APOB: variants seen among roughly 807,000 people sequenced by gnomAD.
APOB encodes the protein apolipoprotein B-100.
A neutral mutation model predicts 314.1 loss-of-function variants in APOB; 153 were observed. The ratio of observed to expected loss-of-function variants is 0.49; its 90% CI spans 0.43 to 0.56. The LOEUF is 0.56. APOB is among the 20% of genes least tolerant of loss of function. The pLI is 0.00. For synonymous variants in APOB, 2,087 were observed against 2,036.4 expected (o/e 1.02, Z -0.67); for missense variants, 5,430 against 5,350.7 (o/e 1.01, Z -0.46).
chr2:21,005,636 A>G lies in APOB; in HGVS notation c.11232T>C (p.Leu3744=), dbSNP rs1663109556. Residue 3744 remains leucine (L), a synonymous_variant, in exon 26 of 29, where the codon CTT becomes CTC. Coordinates refer to ENST00000233242, the MANE Select transcript of APOB (RefSeq NM_000384.3). ...GLKLNDLNSV[L]VMPTFHVPFT... ...ATGGGACATGGAACGTAGGCATGACAAGAACTGAATTTAGATCATTTAGTT... is the reference window on the plus strand; with the variant it reads ...ATGGGACATGGAACGTAGGCATGACGAGAACTGAATTTAGATCATTTAGTT... The G allele has an allele frequency of 1.2e-6, 2 of 1,613,924 alleles. No homozygotes were observed. The highest frequency in any genetic ancestry group is 1.3e-5 in the African/African-American group (1 of 74,922).
rs181151491 is a variant in APOB at position 21,016,219 on chromosome 2, C to T, written c.3332+220G>A. 1.1e-4 allele frequency among the ~76,000 whole-genome samples: 16 copies of T among 151,660 alleles called. 1 individual carries two copies. Among genetic ancestry groups the T allele is most frequent in the Admixed American group, 2.0e-4 (3 of 15,222 alleles). ...AGGAGAATCACTTGAACTCGGGAGG[C>T]GGAGGTTGCAGTGAGCCGAGATTGT... is the stretch of plus-strand genomic sequence containing the variant. On this transcript the variant is annotated intron_variant, in intron 21 of 28. Coordinates refer to ENST00000233242, the MANE Select transcript of APOB (RefSeq NM_000384.3).
chr2:21,031,799 G>A (rs951950650), intron 10 of APOB, among the ~76,000 whole-genome samples: 6 of 151,980 alleles, frequency 3.9e-5, no homozygotes, highest in African/African-American at 1.2e-4. Context: ...TCAGTGAGCC[G>A]TGACTGCATC....
intron 21 of APOB, 83 bp downstream of exon 21, chr2:21,016,356 G>T: frequency 1.3e-6 from 1 of 775,174 alleles, no homozygotes; most frequent in Non-Finnish European, 2.3e-6. Context: ...ACATGGCTTG[G>T]TCAGGTATGA....
chr2:21,040,914 G>A, intron 4 of APOB, 24 bp downstream of exon 4: 6 of 1,613,104 alleles, frequency 3.7e-6, no homozygotes, highest in Non-Finnish European at 4.2e-6. Flanking sequence ...ACACATGCGT[G>A]TGCTCATGTA....
In APOB at chr2:21,043,990, G is replaced by T; in HGVS notation, c.-45C>A. On this transcript the variant is annotated 5_prime_UTR_variant, in exon 1 of 29. Coordinates refer to ENST00000233242, the MANE Select transcript of APOB (RefSeq NM_000384.3). Reference sequence around the variant, plus strand: ...GCTCCTGGGCTGCGGCCTGGCCTCGGCCTCGCGGCCCTGGCTGGCTGGGCG... The same window carrying T: ...GCTCCTGGGCTGCGGCCTGGCCTCGTCCTCGCGGCCCTGGCTGGCTGGGCG... The T allele has an allele frequency of 1.9e-6, 2 of 1,057,904 alleles. No homozygotes were observed. The highest frequency in any genetic ancestry group is 2.4e-6 in the Non-Finnish European group (2 of 832,404). 65.5% of individuals were successfully genotyped at this position (1,057,904 alleles called of 1,614,324 possible). A position where few individuals can be genotyped will look rare whatever the true frequency, so the allele number is the denominator to read the frequency against.
At chr2:21,033,130 T>A (rs889028168) in intron 9 of APOB, among the ~76,000 whole-genome samples, 169 bp downstream of exon 9, 10 of 152,218 alleles carry the variant, frequency 6.6e-5, no homozygotes, top group Admixed American at 3.3e-4. Flanking sequence ...TTCATGGAAC[T>A]CAGCGCAGCA....
chr2:21,034,757 G>T, intron 8 of APOB, 59 bp downstream of exon 8: 2 of 960,432 alleles, frequency 2.1e-6, no homozygotes, highest in Non-Finnish European at 3.4e-6. Context: ...AAGTGGCTAA[G>T]CCATGATAGG....
Position 21,010,898 on chromosome 2 carries a change from A to T in APOB, c.5970T>A (p.Asn1990Lys). The change falls in exon 26 of 29, where the codon AAT becomes AAA. Residue 1990 changes from asparagine to lysine, a missense_variant. Physicochemically the swap from Asn to Lys is moderately conservative, Grantham distance 94. This residue lies in a region of APOB where 3,281 missense variants were observed against 3,171.0 expected (regional missense o/e 1.03). Transcript: ENST00000233242. The part of the protein sequence containing the change: ...TWKLKTQFNN[N>K]EYSQDLDAYN... The stretch of plus-strand genomic sequence containing the variant: ...AAGCATCCAAGTCCTGGCTGTATTC[A>T]TTGTTGTTAAATTGGGTCTTGAGTT... 1 of 1,614,046 alleles carries T rather than the reference A, an allele frequency of 6.2e-7. No individual in the cohort carries two copies. Among genetic ancestry groups the T allele is most frequent in the Non-Finnish European group, 8.5e-7 (1 of 1,179,990 alleles).
chr2:21,019,152 G>A (rs200820506), intron 19 of APOB, 39 bp from the exon 20 acceptor site: 2 of 1,613,236 alleles, frequency 1.2e-6, no homozygotes, highest in Non-Finnish European at 1.7e-6. Flanking sequence ...TAATGTTAGA[G>A]CTTTCAAGGA....
At position 21,005,919 on chromosome 2, in the gene APOB, A is replaced by G; in HGVS notation, c.10949T>C (p.Leu3650Pro). 6.2e-7 allele frequency: 1 copy of G among 1,613,950 alleles called. No homozygotes were observed. The highest frequency in any genetic ancestry group is 8.5e-7 in the Non-Finnish European group (1 of 1,179,944). ...HSGSFQSQVE[L>P]SNDQEKAHLD... ...GTGTGCCTTTTCTTGGTCATTGGAA[A>G]GCTCGACCTGGCTCTGGAAAGACCC... The change falls in exon 26 of 29, where the codon CTT becomes CCT. Residue 3650 changes from leucine to proline, a missense_variant. Transcript: ENST00000233242.
intron 6 of APOB, 100 bp from the exon 7 acceptor site, chr2:21,035,808 T>C: frequency 8.3e-7 from 1 of 1,200,990 alleles, no homozygotes. Context: ...CCTGTACCAC[T>C]AGATAAACTC....
At chr2:21,027,611 C>G (rs57682814) in intron 14 of APOB, among the ~76,000 whole-genome samples, 1 of 152,150 alleles carries the variant, frequency 6.6e-6, no homozygotes, top group African/African-American at 2.4e-5. Flanking sequence ...CCTCGCCAGG[C>G]CTGCATTTCT....
At position 21,007,536 on chromosome 2, in the gene APOB, A is replaced by G; in HGVS notation, c.9332T>C (p.Met3111Thr). 6.2e-7 allele frequency: 1 copy of G among 1,614,126 alleles called. No homozygotes were observed. Among genetic ancestry groups the G allele is most frequent in the Non-Finnish European group, 8.5e-7 (1 of 1,179,958 alleles). ...NFSAGNNENI[M>T]EAHVGINGEA... Reference sequence around the variant, plus strand: ...TCCATTTATTCCTACATGGGCCTCCATAATGTTCTCGTTGTTTCCAGCAGA... The same window carrying G: ...TCCATTTATTCCTACATGGGCCTCCGTAATGTTCTCGTTGTTTCCAGCAGA... Residue 3111 changes from methionine to threonine, a missense_variant, in exon 26 of 29, where the codon ATG becomes ACG. By Grantham distance (81) the Met-to-Thr change is moderately conservative. Around this residue, in one of 3 missense-constraint regions of APOB, gnomAD observed 3,281 missense variants for 3,171.0 expected, o/e 1.03. Coordinates refer to ENST00000233242, the MANE Select transcript of APOB (RefSeq NM_000384.3).
chr2:21,036,981 G>T, intron 6 of APOB, 119 bp downstream of exon 6: 2 of 1,281,010 alleles, frequency 1.6e-6, no homozygotes, highest in Non-Finnish European at 2.2e-6. Context: ...TCTCTAGTCT[G>T]TATAAAAAAC....
intron 9 of APOB, 100 bp downstream of exon 9, chr2:21,033,199 A>G (rs1663922194): frequency 2.3e-6 from 2 of 862,570 alleles, no homozygotes; most frequent in Middle Eastern, 2.2e-4. Context: ...AACTGGATTG[A>G]TATCCAAATG....
Position 21,013,462 on chromosome 2 carries a change from T to C in APOB, c.3914A>G (p.Lys1305Arg). The change falls in exon 25 of 29, where the codon AAA (lysine) becomes AGA (arginine). Residue 1305 changes from lysine to arginine, a missense_variant. Lys to Arg is a conservative substitution (Grantham distance 26). This residue lies in a region of APOB where 2,085 missense variants were observed against 2,079.7 expected (regional missense o/e 1.00). Transcript: ENST00000233242. ...KIEIPLPFGG[K>R]SSRDLKMLET... ...TAACATCTTTAGATCTCTGGAGGAT[T>C]TGCCACCAAAAGGCAAAGGAATCTC... 2 of 1,614,210 alleles carry C rather than the reference T, an allele frequency of 1.2e-6. No homozygotes were observed. The highest frequency in any genetic ancestry group is 8.5e-7 in the Non-Finnish European group (1 of 1,180,036).
Position 21,042,395 on chromosome 2 carries a change from G to A in APOB, c.203C>T (p.Ala68Val). The change falls in exon 3 of 29, where the codon GCT (alanine) becomes GTT (valine). Residue 68 changes from alanine (A) to valine (V), a missense_variant. Around this residue, in one of 3 missense-constraint regions of APOB, gnomAD observed 2,085 missense variants for 2,079.7 expected, o/e 1.00. Transcript: ENST00000233242. ...GATCCTGGTGGCACTTCTTGAATCA[G>A]CAGTCCCAGGGACTCCACTGGAACT... ...AESSSGVPGT[A>V]DSRSATRINC... The A allele has an allele frequency of 6.2e-7, 1 of 1,614,010 alleles. No homozygotes were observed. The highest frequency in any genetic ancestry group is 8.5e-7 in the Non-Finnish European group (1 of 1,179,968).
intron 3 of APOB, among the ~76,000 whole-genome samples, chr2:21,041,875 T>A (rs992274598): frequency 2.0e-5 from 3 of 152,234 alleles, no homozygotes; most frequent in Non-Finnish European, 4.4e-5. Context: ...GTAACATGAG[T>A]ACAACCAGTC....
chr2:21,035,152 T>C (rs543638068), intron 7 of APOB, among the ~76,000 whole-genome samples: 82 of 152,310 alleles, frequency 5.4e-4, no homozygotes, highest in African/African-American at 1.8e-3. Context: ...TAGGAACTAG[T>C]GCAATGTCTC....
Sources: allele counts gnomAD v4.1 joint callset (sites outside exome capture counted in the v4.1 genomes callset), GRCh38; gene constraint gnomAD v4.1.1; regional missense constraint gnomAD v4.1.1; transcripts MANE v1.5; gene names NCBI Gene and HGNC (gene_info 2026-07-23, HGNC 2026-07-21).